Variants in FHAD1 observed in about 807,000 individuals in gnomAD.
FHAD1 encodes forkhead associated phosphopeptide binding domain 1, also known as forkhead-associated domain-containing protein 1.
FHAD1 carries 146 observed loss-of-function variants against 191.3 expected under a neutral mutation model. The observed-to-expected ratio is 0.76, with a 90% confidence interval of 0.67 to 0.88. FHAD1 has a LOEUF of 0.88. FHAD1 is among the 40% of genes least tolerant of loss of function. The pLI, the probability that FHAD1 is intolerant of heterozygous loss-of-function variation, is 0.00. For synonymous variants in FHAD1, 616 were observed against 672.3 expected (o/e 0.92, Z 1.29); for missense variants, 1,635 against 1,785.8 (o/e 0.92, Z 1.52).
At chr1:15,356,228 C>T (rs1439853158) in intron 20 of FHAD1, among the ~76,000 whole-genome samples, 1 of 152,210 alleles carries the variant, frequency 6.6e-6, no homozygotes, top group East Asian at 1.9e-4. Flanking sequence ...AGCTTGAGGA[C>T]GGCAACCCAG....
intron 5 of FHAD1, among the ~76,000 whole-genome samples, chr1:15,297,756 T>A (rs1480563006): frequency 2.6e-5 from 4 of 152,232 alleles, no homozygotes; most frequent in Non-Finnish European, 5.9e-5. Flanking sequence ...GAAGTCCTCA[T>A]TCCCATGTCT....
chr1:15,261,615 A>G (rs1557942084), intron 2 of FHAD1, among the ~76,000 whole-genome samples: 1 of 151,560 alleles, frequency 6.6e-6, no homozygotes, highest in African/African-American at 2.4e-5. Flanking sequence ...GCTTCTCAAG[A>G]CTCTCCCAGA....
chr1:15,367,579 GA>G lies in FHAD1; in HGVS notation c.3275del (p.Lys1092ArgfsTer6). The G allele has an allele frequency of 7.7e-7, 1 of 1,303,056 alleles. No homozygotes were observed. The highest frequency in any genetic ancestry group is 1.0e-6 in the Non-Finnish European group (1 of 995,544). 80.7% of individuals were successfully genotyped at this position (1,303,056 alleles called of 1,614,324 possible). ...GATGGCCCAGATGAGCAGCCTGGTA[GA>G]AAAGAAAGATCGGGAGCTGAAGGCC... The part of the protein sequence containing the change: ...EKMAQMSSLV[E>X]KKDRELKALE... On this transcript the variant is annotated frameshift_variant, in exon 25 of 34. Transcript: ENST00000688493. LOFTEE classifies it high-confidence loss of function.
chr1:15,245,472 G>C (rs1381582944), upstream of FHAD1, among the ~76,000 whole-genome samples: 2 of 152,164 alleles, frequency 1.3e-5, no homozygotes, highest in East Asian at 3.8e-4. Context: ...TGAGTAAAAA[G>C]CTAAAGTAAA....
intron 3 of FHAD1, among the ~76,000 whole-genome samples, chr1:15,281,718 G>A (rs1284514054): frequency 2.8e-4 from 38 of 137,726 alleles, no homozygotes; most frequent in Admixed American, 2.2e-3. Context: ...CTAAAATCGC[G>A]CTACTGCACT....
chr1:15,328,162 C>A, intron 12 of FHAD1, 115 bp from the exon 13 acceptor site: 1 of 820,286 alleles, frequency 1.2e-6, no homozygotes. Flanking sequence ...TCCTCCCGTG[C>A]TTAGACAGGG....
At chr1:15,378,058 C>CT (rs1359063640) in intron 28 of FHAD1, among the ~76,000 whole-genome samples, 1 of 152,168 alleles carries the variant, frequency 6.6e-6, no homozygotes, top group Admixed American at 6.5e-5. Context: ...AATCCCAACA[C>CT]TTTGGGAGGC....
In FHAD1 at chr1:15,274,157, G is replaced by A. The variant is rs77378398; in HGVS notation, c.300+1628G>A. Among the ~76,000 whole-genome samples the A allele has an allele frequency of 1.1e-3, 161 of 152,220 alleles. 1 individual carries two copies. The East Asian group carries it at 0.028, about 27-fold the overall frequency. On this transcript the variant is annotated intron_variant, in intron 3 of 33. Transcript: ENST00000688493. Reference sequence around the variant, plus strand: ...CCGTTCTTCCATGGGTAGACACGTGGGCTCCTTCCGCCTTTTGCCTATTGC... The same window carrying A: ...CCGTTCTTCCATGGGTAGACACGTGAGCTCCTTCCGCCTTTTGCCTATTGC...
intron 20 of FHAD1, among the ~76,000 whole-genome samples, chr1:15,357,564 A>C (rs998906993): frequency 2.0e-5 from 3 of 148,298 alleles, no homozygotes; most frequent in Non-Finnish European, 3.0e-5. Context: ...CGGAGGTTGC[A>C]GTGAGCTGAG....
chr1:15,328,274 C>A lies in FHAD1; in HGVS notation c.1558-3C>A. 6.9e-7 allele frequency: 1 copy of A among 1,451,818 alleles called. No homozygotes were observed. Among genetic ancestry groups the A allele is most frequent in the Admixed American group, 2.8e-5 (1 of 35,778 alleles). 89.9% of individuals were successfully genotyped at this position (1,451,818 alleles called of 1,614,324 possible). A position where few individuals can be genotyped will look rare whatever the true frequency, so the allele number is the denominator to read the frequency against. ...TTTTTTTCCTTTTTCTTTTTCTCAC[C>A]AGTTAATAGAGAAAATTACCCAGGT... On this transcript the variant is annotated splice_region_variant and splice_polypyrimidine_tract_variant and intron_variant, in intron 12 of 33. Transcript: ENST00000688493.
intron 33 of FHAD1, among the ~76,000 whole-genome samples, chr1:15,394,563 G>C (rs967130870): frequency 5.3e-5 from 8 of 152,240 alleles, no homozygotes; most frequent in African/African-American, 1.9e-4. Flanking sequence ...CACGTTTGAG[G>C]CTCCTGTCAG....
At position 15,327,058 on chromosome 1, in the gene FHAD1, G is replaced by A; in HGVS notation, c.1474-1G>A. On this transcript the variant is annotated splice_acceptor_variant, in intron 11 of 33. Coordinates refer to ENST00000688493, the MANE Select transcript of FHAD1 (RefSeq NM_001391957.1). LOFTEE classifies it high-confidence loss of function. The surrounding 1 kb of genome is among the most constrained non-coding windows in gnomAD (Gnocchi z 5.1). The stretch of plus-strand genomic sequence containing the variant: ...ACACTGTTGCCCCCTCTCTGCTGCA[G>A]CTGGAGCACTTCAGAAGTCAAGTCA... 1 of 1,550,072 alleles carries A rather than the reference G, an allele frequency of 6.5e-7. No individual in the cohort carries two copies. The highest frequency in any genetic ancestry group is 8.7e-7 in the Non-Finnish European group (1 of 1,145,876).
chr1:15,362,002 CAAA>C (rs796523025), intron 22 of FHAD1, among the ~76,000 whole-genome samples: 2 of 100,758 alleles, frequency 2.0e-5, no homozygotes. Flanking sequence ...GACTCTGTCT[CAAA>C]AAAAAAAAAA....
intron 28 of FHAD1, among the ~76,000 whole-genome samples, chr1:15,377,309 T>C (rs1460413377): frequency 6.6e-6 from 1 of 151,982 alleles, no homozygotes; most frequent in Non-Finnish European, 1.5e-5. Context: ...TCCCTGAGGG[T>C]GGGAGTGGAG....
In FHAD1 at chr1:15,329,597, T is replaced by A; in HGVS notation, c.1906+56T>A. 6.7e-7 allele frequency: 1 copy of A among 1,489,322 alleles called. No homozygotes were observed. Among genetic ancestry groups the A allele is most frequent in the Non-Finnish European group, 9.2e-7 (1 of 1,092,376 alleles). 92.3% of individuals were successfully genotyped at this position (1,489,322 alleles called of 1,614,324 possible). A position where few individuals can be genotyped will look rare whatever the true frequency, so the allele number is the denominator to read the frequency against. On this transcript the variant is annotated intron_variant, in intron 14 of 33. Coordinates refer to ENST00000688493, the MANE Select transcript of FHAD1 (RefSeq NM_001391957.1). This position sits in a 1 kb window ranked among gnomAD's most constrained non-coding sequence, Gnocchi z 5.0. ...CATGACTCTAAAATGTCGCGTTGAA[T>A]CTCAGCATGATGGGACATCTGTTGA...
intron 14 of FHAD1, among the ~76,000 whole-genome samples, chr1:15,337,748 A>G (rs1684826975): frequency 6.6e-6 from 1 of 151,926 alleles, no homozygotes; most frequent in South Asian, 2.1e-4. Context: ...TCTCGAATGC[A>G]GCCCAGCTAT....
At chr1:15,384,764 G>A (rs1189203115) in intron 31 of FHAD1, among the ~76,000 whole-genome samples, 3 of 152,090 alleles carry the variant, frequency 2.0e-5, no homozygotes, top group Non-Finnish European at 4.4e-5. Context: ...CACGATCACA[G>A]CAAGGCTGAT....
At chr1:15,302,291 A>G (rs1218103985) in intron 6 of FHAD1, among the ~76,000 whole-genome samples, 3 of 152,202 alleles carry the variant, frequency 2.0e-5, no homozygotes, top group African/African-American at 4.8e-5. Context: ...GCCTTTACCA[A>G]ACCCTGAAGG....
chr1:15,302,406 A>G (rs2100919109), intron 6 of FHAD1, among the ~76,000 whole-genome samples: 1 of 152,190 alleles, frequency 6.6e-6, no homozygotes, highest in African/African-American at 2.4e-5. Flanking sequence ...AACTTGATTC[A>G]AATTCTTTTT....
Sources: gnomAD v4.1 joint callset for allele counts (sites outside exome capture counted in the v4.1 genomes callset) on GRCh38, gnomAD v4.1.1 for gene constraint, Gnocchi (gnomAD v3.1) non-coding constraint, MANE v1.5 for transcripts, NCBI Gene and HGNC (gene_info 2026-07-23, HGNC 2026-07-21) for gene names.